The following SLC41A2 variants were observed in gnomAD, a reference collection of about 807,000 sequenced individuals.
SLC41A2 encodes SLC41A1-like 1.
In SLC41A2, 32 loss-of-function variants were observed where a neutral mutation model predicts 58.3. The observed-to-expected ratio is 0.55, with a 90% confidence interval of 0.41 to 0.74. The LOEUF (loss-of-function observed/expected upper bound fraction) is 0.74, where lower values mean the gene tolerates loss of function less well. SLC41A2 is among the 30% of genes least tolerant of loss of function. SLC41A2 has a pLI of 0.00. For synonymous variants in SLC41A2, 190 were observed against 235.0 expected (o/e 0.81, Z 1.75); for missense variants, 514 against 680.6 (o/e 0.76, Z 2.72).
intron 3 of SLC41A2, among the ~76,000 whole-genome samples, chr12:104,902,974 T>C (rs150399063): frequency 1.3e-5 from 2 of 152,326 alleles, no homozygotes; most frequent in African/African-American, 2.4e-5. Context: ...TACCATGTTA[T>C]CATAACTTGG....
chr12:104,890,169 G>A (rs1054377268), intron 4 of SLC41A2, among the ~76,000 whole-genome samples: 9 of 152,060 alleles, frequency 5.9e-5, no homozygotes, highest in Admixed American at 1.3e-4. Context: ...TGCTGGAATC[G>A]AGGGCTCCAA....
At chr12:104,831,447 A>G (rs1223298965) in intron 10 of SLC41A2, among the ~76,000 whole-genome samples, 1 of 152,176 alleles carries the variant, frequency 6.6e-6, no homozygotes, top group African/African-American at 2.4e-5. Flanking sequence ...AAATAATGAC[A>G]TTTCTGTTAA....
intron 2 of SLC41A2, among the ~76,000 whole-genome samples, chr12:104,923,379 TAGAA>T (rs1429230668): frequency 1.6e-5 from 2 of 127,084 alleles, no homozygotes; most frequent in Non-Finnish European, 3.4e-5. Context: ...AAAAAAAAAA[TAGAA>T]AGACTTCAAA....
At chr12:104,841,306 A>G (rs1365053454) in intron 10 of SLC41A2, among the ~76,000 whole-genome samples, 1 of 139,272 alleles carries the variant, frequency 7.2e-6, no homozygotes, top group East Asian at 2.0e-4. Flanking sequence ...GAAGACAAGG[A>G]GAATAAAAAA....
chr12:104,841,887 T>C (rs770472758), intron 10 of SLC41A2, among the ~76,000 whole-genome samples: 1 of 152,056 alleles, frequency 6.6e-6, no homozygotes, highest in Non-Finnish European at 1.5e-5. Flanking sequence ...GGGAAAGGCA[T>C]GGTCTCAACC....
intron 4 of SLC41A2, among the ~76,000 whole-genome samples, chr12:104,890,007 T>A (rs2044871262): frequency 6.6e-6 from 1 of 152,174 alleles, no homozygotes; most frequent in African/African-American, 2.4e-5. Context: ...TCTATTGCAC[T>A]CACTCTTAGC....
intron 3 of SLC41A2, among the ~76,000 whole-genome samples, chr12:104,904,773 C>A (rs987390847): frequency 6.6e-6 from 1 of 151,972 alleles, no homozygotes; most frequent in Non-Finnish European, 1.5e-5. Context: ...TTCGTTCCTC[C>A]TGGTGGGCTC....
At position 104,805,076 on chromosome 12, in the gene SLC41A2, G is replaced by GAGTTTTGAAAA; in HGVS notation, c.*65_*75dup. The GAGTTTTGAAAA allele has an allele frequency of 2.4e-6, 3 of 1,274,794 alleles. No homozygotes were observed. The highest frequency in any genetic ancestry group is 3.2e-6 in the Non-Finnish European group (3 of 936,620). The allele number at this position is 1,274,794 out of a possible 1,614,324, so 79.0% of individuals were successfully genotyped here. A position where few individuals can be genotyped will look rare whatever the true frequency, so the allele number is the denominator to read the frequency against. ...GGCAAAAGTCAAACTACTGATTTAA[G>GAGTTTTGAAAA]AGTTTTGAAAAAGAGCCATAAGTGG... On this transcript the variant is annotated 3_prime_UTR_variant, in exon 11 of 11. Coordinates refer to ENST00000258538, the MANE Select transcript of SLC41A2 (RefSeq NM_001352171.3).
intron 8 of SLC41A2, among the ~76,000 whole-genome samples, chr12:104,848,462 AGAAATCAAT>A (rs2042686104): frequency 6.6e-6 from 1 of 152,130 alleles, no homozygotes; most frequent in Admixed American, 6.5e-5. Flanking sequence ...AAATAAGAAC[AGAAATCAAT>A]GAAATAGAAA....
chr12:104,955,578 C>T (rs2048133254), intron 1 of SLC41A2, among the ~76,000 whole-genome samples: 1 of 152,196 alleles, frequency 6.6e-6, no homozygotes, highest in Admixed American at 6.5e-5. Flanking sequence ...GTCTTCCTCC[C>T]AAACTGCAAA....
chr12:104,888,252 C>T (rs12312324), intron 5 of SLC41A2, among the ~76,000 whole-genome samples: 7,882 of 151,982 alleles, frequency 0.052, 458 homozygotes, highest in African/African-American at 0.15. Context: ...TTTTGGAAAT[C>T]GAGTTATAAT....
chr12:104,834,266 A>G (rs1565825269), intron 10 of SLC41A2: 4 of 758,152 alleles, frequency 5.3e-6, no homozygotes, highest in Non-Finnish European at 6.4e-6. Flanking sequence ...ATAATCACAC[A>G]TAACAAAAAT....
At chr12:104,810,324 G>A (rs1447238672) in intron 10 of SLC41A2, among the ~76,000 whole-genome samples, 1 of 152,002 alleles carries the variant, frequency 6.6e-6, no homozygotes, top group Non-Finnish European at 1.5e-5. Context: ...TATACAGGAG[G>A]AAACAATAGC....
chr12:104,901,628 C>G (rs1193396069), intron 3 of SLC41A2, among the ~76,000 whole-genome samples: 4 of 152,080 alleles, frequency 2.6e-5, no homozygotes, highest in Non-Finnish European at 5.9e-5. Flanking sequence ...CAGTTCACTG[C>G]AACCACCTCC....
chr12:104,956,886 A>C (rs1055105075), intron 1 of SLC41A2, among the ~76,000 whole-genome samples: 7 of 152,218 alleles, frequency 4.6e-5, no homozygotes, highest in Non-Finnish European at 1.0e-4. Flanking sequence ...TGGCTATCAT[A>C]AAAAATAACC....
At chr12:104,855,419 C>T (rs933713690) in intron 8 of SLC41A2, among the ~76,000 whole-genome samples, 1 of 152,110 alleles carries the variant, frequency 6.6e-6, no homozygotes, top group African/African-American at 2.4e-5. Flanking sequence ...TCGTGCTTTT[C>T]TCTGTGTTAT....
chr12:104,817,060 G>T (rs2041439307), intron 10 of SLC41A2, among the ~76,000 whole-genome samples: 1 of 152,160 alleles, frequency 6.6e-6, no homozygotes, highest in Non-Finnish European at 1.5e-5. Flanking sequence ...AGATGGTATG[G>T]TCTACCACAC....
intron 3 of SLC41A2, among the ~76,000 whole-genome samples, chr12:104,896,021 C>G (rs187532457): frequency 6.6e-6 from 1 of 152,152 alleles, no homozygotes; most frequent in Non-Finnish European, 1.5e-5. Context: ...CCAAGTTTTT[C>G]TAAAGTAGTT....
chr12:104,919,406 TG>T (rs1232099759), intron 2 of SLC41A2, among the ~76,000 whole-genome samples: 1 of 152,366 alleles, frequency 6.6e-6, no homozygotes, highest in African/African-American at 2.4e-5. Context: ...ATTTAGGGTT[TG>T]TTTTTTTACA....
Sources: allele counts gnomAD v4.1 joint callset (sites outside exome capture counted in the v4.1 genomes callset), GRCh38; gene constraint gnomAD v4.1.1; transcripts MANE v1.5; gene names NCBI Gene and HGNC (gene_info 2026-07-23, HGNC 2026-07-21).